MGAT4C: variants seen among roughly 807,000 people sequenced by gnomAD.
MGAT4C encodes the protein alpha-1,3-mannosyl-glycoprotein 4-beta-N-acetylglucosaminyltransferase C.
Under a neutral mutation model 40.1 loss-of-function variants are expected in MGAT4C, and 19 were observed. That is an observed-to-expected ratio of 0.47 (90% CI 0.33 to 0.70). MGAT4C has a LOEUF of 0.70. MGAT4C is among the 30% of genes least tolerant of loss of function. The pLI, the probability that MGAT4C is intolerant of heterozygous loss-of-function variation, is 0.02. For missense variants in MGAT4C, 491 were observed against 563.2 expected (o/e 0.87, Z 1.30); for synonymous variants, 181 against 187.1 (o/e 0.97, Z 0.27).
At chr12:86,724,955 C>T (rs1950797967) in intron 2 of MGAT4C, among the ~76,000 whole-genome samples, 1 of 152,138 alleles carries the variant, frequency 6.6e-6, no homozygotes, top group Non-Finnish European at 1.5e-5. Flanking sequence ...TAGCTAGATT[C>T]AACCATTTCA....
At chr12:86,637,266 C>T (rs1303446895) in intron 2 of MGAT4C, among the ~76,000 whole-genome samples, 1 of 151,940 alleles carries the variant, frequency 6.6e-6, no homozygotes, top group Non-Finnish European at 1.5e-5. Flanking sequence ...AGTTAGGAAG[C>T]TGTGCTATAA....
At chr12:85,980,950 C>T (rs1198404209) in intron 4 of MGAT4C, among the ~76,000 whole-genome samples, 1 of 151,954 alleles carries the variant, frequency 6.6e-6, no homozygotes, top group Non-Finnish European at 1.5e-5. Flanking sequence ...TTTTATAGAA[C>T]ACATCACATA....
chr12:85,989,906 T>A lies in MGAT4C; in HGVS notation c.-6-354A>T, dbSNP rs1885691569. Reference sequence around the variant, plus strand: ...GTCAAGTCCACTGTCATCAGTGAGGTATAACTTTAAGGTAACATTTACCTC... The same window carrying A: ...GTCAAGTCCACTGTCATCAGTGAGGAATAACTTTAAGGTAACATTTACCTC... On this transcript the variant is annotated intron_variant, in intron 2 of 4. Transcript: ENST00000611864. Among the ~76,000 whole-genome samples, 3 of 151,970 alleles carry A rather than the reference T, an allele frequency of 2.0e-5. No homozygotes were observed. The South Asian group carries it at 6.2e-4, about 31-fold the overall frequency.
intron 4 of MGAT4C, among the ~76,000 whole-genome samples, chr12:86,273,537 A>G (rs1033949787): frequency 6.6e-6 from 1 of 152,332 alleles, no homozygotes; most frequent in East Asian, 1.9e-4. Flanking sequence ...TCTGCATGCA[A>G]CATACATAAT....
At chr12:86,360,604 A>C (rs1296050815) in intron 3 of MGAT4C, among the ~76,000 whole-genome samples, 1 of 152,212 alleles carries the variant, frequency 6.6e-6, no homozygotes, top group East Asian at 1.9e-4. Context: ...CTCAGACCCA[A>C]ATCTCCTTAA....
intron 1 of MGAT4C, among the ~76,000 whole-genome samples, chr12:86,219,996 T>C (rs748704027): frequency 5.3e-5 from 8 of 152,086 alleles, no homozygotes; most frequent in Admixed American, 5.2e-4. Context: ...AACCCAGAGA[T>C]TGGGTTTTTG....
At chr12:86,322,026 T>C (rs1592695099) in intron 4 of MGAT4C, among the ~76,000 whole-genome samples, 1 of 151,856 alleles carries the variant, frequency 6.6e-6, no homozygotes, top group South Asian at 2.1e-4. Flanking sequence ...ATATACACCA[T>C]GGAATACTAT....
chr12:86,763,773 AGTTGTTCT>A (rs1260561156), intron 1 of MGAT4C, among the ~76,000 whole-genome samples: 10 of 152,266 alleles, frequency 6.6e-5, no homozygotes, highest in African/African-American at 2.4e-4. Flanking sequence ...GACACATAAT[AGTTGTTCT>A]ATAATTGGTA....
chr12:86,774,448 T>C (rs1477161516), intron 1 of MGAT4C, among the ~76,000 whole-genome samples: 1 of 146,892 alleles, frequency 6.8e-6, no homozygotes, highest in Non-Finnish European at 1.5e-5. Context: ...CTGTTAGCCA[T>C]GCACCTAAAC....
At chr12:86,789,471 A>G (rs1163683660) in intron 1 of MGAT4C, among the ~76,000 whole-genome samples, 1 of 152,144 alleles carries the variant, frequency 6.6e-6, no homozygotes, top group Non-Finnish European at 1.5e-5. Flanking sequence ...TACAGTTTCA[A>G]GTCCCTACCT....
intron 3 of MGAT4C, among the ~76,000 whole-genome samples, chr12:86,376,045 A>C (rs915230782): frequency 1.3e-5 from 2 of 152,126 alleles, no homozygotes; most frequent in African/African-American, 4.8e-5. Context: ...TTGTTTTGGA[A>C]ATAATTATTT....
intron 2 of MGAT4C, among the ~76,000 whole-genome samples, chr12:86,498,690 C>G (rs1165507083): frequency 1.3e-5 from 2 of 151,822 alleles, no homozygotes; most frequent in African/African-American, 4.8e-5. Flanking sequence ...GTGGTGAGCT[C>G]AAGTGTAGCA....
intron 1 of MGAT4C, among the ~76,000 whole-genome samples, chr12:86,179,965 T>C (rs893596589): frequency 2.0e-5 from 3 of 152,204 alleles, no homozygotes; most frequent in Non-Finnish European, 2.9e-5. Flanking sequence ...CTCCAGGCCA[T>C]GTCAGCAACC....
intron 2 of MGAT4C, among the ~76,000 whole-genome samples, chr12:86,664,339 CTCTTT>C (rs1964049226): frequency 6.6e-6 from 1 of 151,802 alleles, no homozygotes; most frequent in Non-Finnish European, 1.5e-5. Flanking sequence ...TTCCTTCTGT[CTCTTT>C]TCATTTAAAT....
chr12:86,765,754 T>C (rs1951494317), intron 1 of MGAT4C, among the ~76,000 whole-genome samples: 1 of 152,110 alleles, frequency 6.6e-6, no homozygotes, highest in African/African-American at 2.4e-5. Flanking sequence ...GAATTTCATA[T>C]CCAGCCAAAC....
rs1376460186 is a variant in MGAT4C at position 85,962,471 on chromosome 12, G to C, written c.*16818C>G. ...ATAAAATAAAATATTAACAATAATTGAACATTGTTTACTTTTTTATCCTCA... is the reference window on the plus strand; with the variant it reads ...ATAAAATAAAATATTAACAATAATTCAACATTGTTTACTTTTTTATCCTCA... On this transcript the variant is annotated 3_prime_UTR_variant, in exon 5 of 5. Transcript: ENST00000611864. The C allele has an allele frequency of 6.8e-6, 1 of 147,370 alleles. No individual in the cohort carries two copies. The highest frequency in any genetic ancestry group is 1.5e-5 in the Non-Finnish European group (1 of 66,736). 9.1% of individuals were successfully genotyped at this position (147,370 alleles called of 1,614,324 possible).
intron 2 of MGAT4C, among the ~76,000 whole-genome samples, chr12:86,012,402 G>T (rs1331487599): frequency 6.6e-6 from 1 of 152,054 alleles, no homozygotes; most frequent in African/African-American, 2.4e-5. Flanking sequence ...GTTCAATAAG[G>T]CTTAAGCAGT....
chr12:86,647,665 C>T (rs1245523871), intron 2 of MGAT4C, among the ~76,000 whole-genome samples: 3 of 151,840 alleles, frequency 2.0e-5, no homozygotes, highest in Non-Finnish European at 4.4e-5. Context: ...GGCTTACTGC[C>T]CCCATCTGAT....
chr12:86,250,244 A>G (rs1368836456), intron 1 of MGAT4C, among the ~76,000 whole-genome samples: 2 of 151,900 alleles, frequency 1.3e-5, no homozygotes, highest in Non-Finnish European at 2.9e-5. Flanking sequence ...ATCCTTTTCT[A>G]TTTGTATCTC....
Sources: gnomAD v4.1 joint callset for allele counts (sites outside exome capture counted in the v4.1 genomes callset) on GRCh38, gnomAD v4.1.1 for gene constraint, MANE v1.5 for transcripts, NCBI Gene and HGNC (gene_info 2026-07-23, HGNC 2026-07-21) for gene names.